ARID4A: variants seen among roughly 807,000 people sequenced by gnomAD.
The protein encoded by ARID4A is AT-rich interactive domain-containing protein 4A.
In ARID4A, 39 loss-of-function variants were observed where a neutral mutation model predicts 148.6. That is an observed-to-expected ratio of 0.26 (90% CI 0.20 to 0.34). The LOEUF (loss-of-function observed/expected upper bound fraction) is 0.34, where lower values mean the gene tolerates loss of function less well. Among genes scored for constraint, ARID4A ranks in the 10% least tolerant of loss-of-function variants. The pLI, the probability that ARID4A is intolerant of heterozygous loss-of-function variation, is 1.00. For missense variants in ARID4A, 1,265 were observed against 1,449.1 expected, an observed-to-expected ratio of 0.87 and a Z score of 2.06; for synonymous variants, 475 against 481.2, an observed-to-expected ratio of 0.99 and a Z score of 0.17.
rs2033565691 is a variant in ARID4A, at chr14:58,332,147, A to T, written c.906+1978A>T. Among the ~76,000 whole-genome samples, 2 of 152,120 alleles carry T rather than the reference A, an allele frequency of 1.3e-5. 1 individual carries two copies. Among genetic ancestry groups the T allele is most frequent in the South Asian group, 4.1e-4 (2 of 4,836 alleles). On this transcript the variant is annotated intron_variant, in intron 11 of 23. Coordinates refer to ENST00000355431, the MANE Select transcript of ARID4A (RefSeq NM_002892.4). ...CATAAATATTGTAATGTTTTATTCAAGCTGTGAGTATACGTTAGTATAAAA... is the reference window on the plus strand; with the variant it reads ...CATAAATATTGTAATGTTTTATTCATGCTGTGAGTATACGTTAGTATAAAA...
At chr14:58,317,399 C>T (rs765583527) in intron 5 of ARID4A, among the ~76,000 whole-genome samples, 17 of 148,792 alleles carry the variant, frequency 1.1e-4, no homozygotes, top group Non-Finnish European at 2.4e-4. Context: ...ATTCTCCCGC[C>T]TCAGCCTCCC....
rs779006320 is a variant in ARID4A at position 58,364,319 on chromosome 14, T to A, written c.2230T>A (p.Leu744Ile). The A allele has an allele frequency of 6.4e-7, 1 of 1,570,724 alleles. No individual in the cohort carries two copies. Among genetic ancestry groups the A allele is most frequent in the Non-Finnish European group, 8.6e-7 (1 of 1,168,006 alleles). ...AAATCCAAAGATTTCTGCACATATA[T>A]TAAAAGAAAATGATAGGACTCAAAT... ...EENPKISAHILKENDRTQMQP... is the reference protein window; with the variant it reads ...EENPKISAHIIKENDRTQMQP... Residue 744 changes from leucine (L) to isoleucine (I), a missense_variant, in exon 20 of 24, where the codon TTA (leucine) becomes ATA (isoleucine). Physicochemically the swap from Leu to Ile is conservative, Grantham distance 5. Coordinates refer to ENST00000355431, the MANE Select transcript of ARID4A (RefSeq NM_002892.4).
chr14:58,364,968 A>C lies in ARID4A; in HGVS notation c.2879A>C (p.His960Pro). ...PLIGPETLVC[H>P]EVDLDDLDEK... ...ATCGGGCCTGAAACCTTGGTTTGCC[A>C]TGAAGTAGATTTGGATGATTTGGAT... The change falls in exon 20 of 24, where the codon CAT (histidine) becomes CCT (proline). Residue 960 changes from histidine to proline, a missense_variant. Physicochemically the swap from His to Pro is moderately conservative, Grantham distance 77 (BLOSUM62 -2). Around this residue, in one of 9 missense-constraint regions of ARID4A, gnomAD observed 666 missense variants for 730.9 expected, o/e 0.91. Transcript: ENST00000355431. The C allele has an allele frequency of 6.2e-7, 1 of 1,614,158 alleles. No homozygotes were observed.
intron 11 of ARID4A, among the ~76,000 whole-genome samples, chr14:58,341,160 T>C (rs1350930501): frequency 6.6e-6 from 1 of 152,190 alleles, no homozygotes; most frequent in African/African-American, 2.4e-5. Flanking sequence ...GCATGCGTTC[T>C]CTTCCTTGTG....
chr14:58,301,641 C>T lies in ARID4A; in HGVS notation c.68C>T (p.Ala23Val), dbSNP rs1261943511. 6.2e-7 allele frequency: 1 copy of T among 1,613,818 alleles called. No homozygotes were observed. Among genetic ancestry groups the T allele is most frequent in the Non-Finnish European group, 8.5e-7 (1 of 1,179,948 alleles). ...GATGTCAGTGCCAAGTACCGAGGTG[C>T]CTTCTGTGAGGCAAAGATTAAGACT... is the stretch of plus-strand genomic sequence containing the variant. ...GTDVSAKYRG[A>V]FCEAKIKTVK... The change falls in exon 3 of 24, where the codon GCC becomes GTC. Residue 23 changes from alanine (A) to valine (V), a missense_variant. By Grantham distance (64) the Ala-to-Val change is moderately conservative. Around this residue, in one of 9 missense-constraint regions of ARID4A, gnomAD observed 22 missense variants for 43.8 expected, o/e 0.50. Coordinates refer to ENST00000355431, the MANE Select transcript of ARID4A (RefSeq NM_002892.4).
intron 3 of ARID4A, among the ~76,000 whole-genome samples, chr14:58,304,144 A>AT (rs2031418981): frequency 1.3e-5 from 2 of 152,158 alleles, no homozygotes; most frequent in African/African-American, 4.8e-5. Flanking sequence ...TTATTATAAA[A>AT]TTTATGTTTC....
In ARID4A at chr14:58,364,387, A is replaced by G; in HGVS notation, c.2298A>G (p.Glu766=). 1 of 1,607,104 alleles carries G rather than the reference A, an allele frequency of 6.2e-7. No individual in the cohort carries two copies. ...ETLKLEVGEN[E]QIVQIFGNKM... Reference sequence around the variant, plus strand: ...TGAAGTTAGAAGTTGGAGAGAATGAACAAATAGTACAGATTTTTGGGAACA... The same window carrying G: ...TGAAGTTAGAAGTTGGAGAGAATGAGCAAATAGTACAGATTTTTGGGAACA... Residue 766 remains glutamate (E), a synonymous_variant, in exon 20 of 24, where the codon GAA becomes GAG. Transcript: ENST00000355431.
chr14:58,316,831 C>T (rs1594883344), intron 5 of ARID4A, among the ~76,000 whole-genome samples: 1 of 152,042 alleles, frequency 6.6e-6, no homozygotes, highest in African/African-American at 2.4e-5. Flanking sequence ...CCGCCCGCCT[C>T]GGCCTCCCAA....
In ARID4A at chr14:58,319,540, T is replaced by G. The variant is rs1276348520; in HGVS notation, c.449+735T>G. On this transcript the variant is annotated intron_variant, in intron 7 of 23. Coordinates refer to ENST00000355431, the MANE Select transcript of ARID4A (RefSeq NM_002892.4). ...TATACTCTTTTTTTTTTTTTTTTTT[T>G]TTTTTTTTTTTTTTTTTTTTGGTGA... is the stretch of plus-strand genomic sequence containing the variant. 3.5e-4 allele frequency among the ~76,000 whole-genome samples: 36 copies of G among 102,346 alleles called. 1 individual carries two copies. The highest frequency in any genetic ancestry group is 1.3e-3 in the Admixed American group (11 of 8,706). The allele number at this position is 102,346 out of a possible 152,430, so 67.1% of individuals were successfully genotyped here.
intron 5 of ARID4A, among the ~76,000 whole-genome samples, chr14:58,313,587 C>G (rs1212303949): frequency 2.6e-5 from 4 of 152,246 alleles, no homozygotes; most frequent in African/African-American, 9.6e-5. Context: ...GAAATTTGCT[C>G]ATCATACTAT....
At chr14:58,348,769 T>G (rs1178295583) in intron 15 of ARID4A, among the ~76,000 whole-genome samples, 1 of 152,224 alleles carries the variant, frequency 6.6e-6, no homozygotes, top group Non-Finnish European at 1.5e-5. Context: ...TTTCAAAACT[T>G]CCTTCATGTA....
In ARID4A at chr14:58,373,241, G is replaced by A; in HGVS notation, c.*1252G>A. 5.1e-6 allele frequency: 1 copy of A among 197,632 alleles called. No individual in the cohort carries two copies. Among genetic ancestry groups the A allele is most frequent in the East Asian group, 7.9e-5 (1 of 12,596 alleles). 12.2% of individuals were successfully genotyped at this position (197,632 alleles called of 1,614,324 possible). A position where few individuals can be genotyped will look rare whatever the true frequency, so the allele number is the denominator to read the frequency against. On this transcript the variant is annotated 3_prime_UTR_variant, in exon 24 of 24. Transcript: ENST00000355431. The stretch of plus-strand genomic sequence containing the variant: ...AGTTGAGATGCAACAACTAAGTAAA[G>A]CAACTATGTATGCTTTGTCTGTGAA...
intron 11 of ARID4A, among the ~76,000 whole-genome samples, chr14:58,344,137 G>A (rs893614638): frequency 1.3e-5 from 2 of 152,158 alleles, no homozygotes; most frequent in Non-Finnish European, 1.5e-5. Flanking sequence ...GAGGTCTGGG[G>A]TAAAATAGAA....
At chr14:58,313,215 G>C (rs1021305414) in intron 5 of ARID4A, among the ~76,000 whole-genome samples, 2 of 152,194 alleles carry the variant, frequency 1.3e-5, no homozygotes, top group African/African-American at 4.8e-5. Flanking sequence ...TGATACAAGA[G>C]GGGATTTCTG....
At chr14:58,326,403 C>T (rs1208365846) in intron 8 of ARID4A, among the ~76,000 whole-genome samples, 1 of 152,174 alleles carries the variant, frequency 6.6e-6, no homozygotes, top group Non-Finnish European at 1.5e-5. Flanking sequence ...CGCCACTGCA[C>T]TCCAGCCTGG....
rs1380200789 is a variant in ARID4A at position 58,299,749 on chromosome 14, C to T, written c.-57-49C>T. On this transcript the variant is annotated intron_variant, in intron 1 of 23. Transcript: ENST00000355431. ...TTTACTTTCTTTCCCTTGGTCGCTC[C>T]CCGCAGTTGACTGATTATGTCTGTG... 3.9e-6 allele frequency: 6 copies of T among 1,521,924 alleles called. No individual in the cohort carries two copies. In the South Asian group the frequency reaches 5.6e-5, roughly 14 times the overall value. 94.3% of individuals were successfully genotyped at this position (1,521,924 alleles called of 1,614,324 possible).
intron 11 of ARID4A, among the ~76,000 whole-genome samples, chr14:58,343,686 C>G (rs1277433387): frequency 6.6e-6 from 1 of 151,940 alleles, no homozygotes; most frequent in Non-Finnish European, 1.5e-5. Flanking sequence ...AAAAATTAGC[C>G]AGGTGTAGTG....
In ARID4A at chr14:58,317,594, GTTTCTTTTTAAAAAAACCTTTA is replaced by G. The variant is rs1171628064; in HGVS notation, c.275-946_275-925del. ...CGTGAGCCACCGCGCCTGGCCTAAA[GTTTCTTTTTAAAAAAACCTTTA>G]TATTTGTCTTTTTTTTTTTTTTTTT... On this transcript the variant is annotated intron_variant, in intron 5 of 23. Coordinates refer to ENST00000355431, the MANE Select transcript of ARID4A (RefSeq NM_002892.4). 2.3e-4 allele frequency among the ~76,000 whole-genome samples: 28 copies of G among 124,324 alleles called. No homozygotes were observed. In the South Asian group the frequency reaches 4.6e-3, roughly 21 times the overall value. The allele number at this position is 124,324 out of a possible 152,430, so 81.6% of individuals were successfully genotyped here. A position where few individuals can be genotyped will look rare whatever the true frequency, so the allele number is the denominator to read the frequency against.
At chr14:58,320,742 G>T (rs1215053191) in intron 7 of ARID4A, among the ~76,000 whole-genome samples, 1 of 151,928 alleles carries the variant, frequency 6.6e-6, no homozygotes, top group African/African-American at 2.4e-5. Flanking sequence ...CGAGTAGCTG[G>T]GACTACAGTC....
Sources: allele counts gnomAD v4.1 joint callset (sites outside exome capture counted in the v4.1 genomes callset), GRCh38; gene constraint gnomAD v4.1.1; regional missense constraint gnomAD v4.1.1; transcripts MANE v1.5; gene names NCBI Gene and HGNC (gene_info 2026-07-23, HGNC 2026-07-21).